The following SNX8 variants were observed in gnomAD, a reference collection of about 807,000 sequenced individuals.
The protein encoded by SNX8 is sorting nexin-8.
In SNX8, 25 loss-of-function variants were observed where a neutral mutation model predicts 51.6. That is an observed-to-expected ratio of 0.48 (90% CI 0.35 to 0.68). SNX8 has a LOEUF of 0.68. Ranked by LOEUF, SNX8 falls within the 30% of genes least tolerant of loss-of-function variation. The pLI is 0.00. For missense variants in SNX8, 695 were observed against 624.0 expected (o/e 1.11, Z -1.21); for synonymous variants, 324 against 277.0 (o/e 1.17, Z -1.68).
chr7:2,259,103 C>T (rs536102602), intron 7 of SNX8, among the ~76,000 whole-genome samples: 6 of 152,296 alleles, frequency 3.9e-5, no homozygotes, highest in Admixed American at 1.3e-4. Flanking sequence ...GGTCCAAAGC[C>T]CTGGGCTCCA....
chr7:2,348,950 C>CAA (rs60816121), intron 1 of SNX8, among the ~76,000 whole-genome samples: 572 of 55,062 alleles, frequency 0.01, no homozygotes, highest in Middle Eastern at 0.017. Flanking sequence ...GACTCTGTCT[C>CAA]AAAAAAAAAA....
At chr7:2,277,409 T>G (rs1434152260) in intron 2 of SNX8, among the ~76,000 whole-genome samples, 1 of 152,200 alleles carries the variant, frequency 6.6e-6, no homozygotes, top group Non-Finnish European at 1.5e-5. Flanking sequence ...TCGATGGGGC[T>G]GACATTCTAA....
intron 1 of SNX8, 91 bp from the exon 2 acceptor site, chr7:2,278,396 C>T (rs1795834047): frequency 1.2e-6 from 1 of 801,688 alleles, no homozygotes; most frequent in South Asian, 1.8e-5. Flanking sequence ...GTAATCCCAG[C>T]ACTTTGGGAG....
intron 1 of SNX8, among the ~76,000 whole-genome samples, chr7:2,297,321 C>T (rs71525372): frequency 2.0e-5 from 3 of 151,550 alleles, no homozygotes; most frequent in Non-Finnish European, 2.9e-5. Flanking sequence ...GAGGCCGAGG[C>T]GGGCAGATCA....
At chr7:2,339,489 T>C (rs1404384704) in intron 1 of SNX8, among the ~76,000 whole-genome samples, 1 of 152,006 alleles carries the variant, frequency 6.6e-6, no homozygotes, top group Non-Finnish European at 1.5e-5. Context: ...GAGAAAATTA[T>C]AAAACTTTAT....
intron 1 of SNX8, among the ~76,000 whole-genome samples, chr7:2,289,758 G>A (rs113633298): frequency 1.3e-5 from 2 of 152,106 alleles, no homozygotes; most frequent in Middle Eastern, 3.2e-3. Flanking sequence ...GTTCACGTGG[G>A]TATAACAAAG....
intron 4 of SNX8, 43 bp from the exon 5 acceptor site, chr7:2,269,682 G>A (rs766855557): frequency 1.4e-6 from 2 of 1,382,468 alleles, no homozygotes; most frequent in East Asian, 2.3e-5. Flanking sequence ...TCTACTAGCA[G>A]CAAGAAAGCT....
At position 2,256,915 on chromosome 7, in the gene SNX8, G is replaced by C; in HGVS notation, c.1243C>G (p.Leu415Val). ...HVYLPLTSHI[L>V]RAFVNSQIQG... The stretch of plus-strand genomic sequence containing the variant: ...ATCTGAGAGTTGACGAAGGCGCGGA[G>C]GATGTGGGAGGTGAGGGGCAGGTAG... The change falls in exon 10 of 11, where the codon CTC becomes GTC. Residue 415 changes from leucine to valine, a missense_variant. Coordinates refer to ENST00000222990, the MANE Select transcript of SNX8 (RefSeq NM_013321.4). 1 of 1,613,736 alleles carries C rather than the reference G, an allele frequency of 6.2e-7. No individual in the cohort carries two copies. The highest frequency in any genetic ancestry group is 1.3e-5 in the African/African-American group (1 of 75,060).
chr7:2,272,389 T>G (rs1292243920), intron 3 of SNX8, among the ~76,000 whole-genome samples: 1 of 152,086 alleles, frequency 6.6e-6, no homozygotes, highest in African/African-American at 2.4e-5. Context: ...TTTTTTTTTT[T>G]TTGAGACAGA....
upstream of SNX8, among the ~76,000 whole-genome samples, chr7:2,316,672 C>G (rs966813517): frequency 1.3e-5 from 2 of 152,078 alleles, no homozygotes; most frequent in Non-Finnish European, 2.9e-5. Flanking sequence ...CATTCACCCA[C>G]TCACTGAGTC....
At chr7:2,320,610 G>C (rs533787713) in intron 1 of SNX8, among the ~76,000 whole-genome samples, 5 of 152,018 alleles carry the variant, frequency 3.3e-5, no homozygotes, top group Non-Finnish European at 5.9e-5. Context: ...TGTAGTCCCA[G>C]CTACACGAAA....
intron 1 of SNX8, among the ~76,000 whole-genome samples, chr7:2,333,374 A>C (rs1462471788): frequency 6.6e-6 from 1 of 151,960 alleles, no homozygotes; most frequent in Non-Finnish European, 1.5e-5. Flanking sequence ...ATCCTGGCAA[A>C]CATGGTGAAA....
At chr7:2,322,936 G>C (rs1398709226) in intron 1 of SNX8, among the ~76,000 whole-genome samples, 1 of 151,864 alleles carries the variant, frequency 6.6e-6, no homozygotes, top group Non-Finnish European at 1.5e-5. Flanking sequence ...AGAATTACTT[G>C]AACCTGGGAG....
intron 1 of SNX8, among the ~76,000 whole-genome samples, chr7:2,320,656 C>G (rs997521476): frequency 6.6e-6 from 1 of 151,880 alleles, no homozygotes; most frequent in Non-Finnish European, 1.5e-5. Flanking sequence ...CCTGGGAGGT[C>G]GAGGCTGCAG....
chr7:2,258,197 T>C (rs889880737), intron 7 of SNX8, among the ~76,000 whole-genome samples: 8 of 152,026 alleles, frequency 5.3e-5, no homozygotes, highest in East Asian at 1.9e-4. Context: ...TTTCTTTTTT[T>C]AGTAGAGACG....
intron 1 of SNX8, among the ~76,000 whole-genome samples, chr7:2,344,855 C>T (rs933544575): frequency 6.6e-6 from 1 of 152,120 alleles, no homozygotes; most frequent in Non-Finnish European, 1.5e-5. Context: ...GTCAGGAGTT[C>T]GAGACCAGCT....
At chr7:2,336,726 C>T (rs1309616667) in intron 1 of SNX8, among the ~76,000 whole-genome samples, 1 of 148,908 alleles carries the variant, frequency 6.7e-6, no homozygotes, top group Non-Finnish European at 1.5e-5. Context: ...AATAAATAAG[C>T]CTGGGCACAG....
chr7:2,258,960 G>A (rs1055639001), intron 7 of SNX8, among the ~76,000 whole-genome samples: 3 of 152,156 alleles, frequency 2.0e-5, no homozygotes, highest in Non-Finnish European at 2.9e-5. Context: ...GCCCCCACGG[G>A]CGAACCCCAC....
intron 1 of SNX8, among the ~76,000 whole-genome samples, chr7:2,342,091 A>G (rs1778938212): frequency 6.6e-6 from 1 of 151,524 alleles, no homozygotes; most frequent in Non-Finnish European, 1.5e-5. Context: ...TGCAAGGAGA[A>G]TCGCTTGCAT....
Sources: gnomAD v4.1 joint callset for allele counts (sites outside exome capture counted in the v4.1 genomes callset) on GRCh38, gnomAD v4.1.1 for gene constraint, MANE v1.5 for transcripts, NCBI Gene and HGNC (gene_info 2026-07-23, HGNC 2026-07-21) for gene names.